ZNF462: variants seen among roughly 807,000 people sequenced by gnomAD.
ZNF462 encodes the protein zinc finger protein 462, also known as zinc finger PBX1-interacting protein.
ZNF462 carries 10 observed loss-of-function variants against 201.9 expected under a neutral mutation model. The ratio of observed to expected loss-of-function variants is 0.05; its 90% CI spans 0.03 to 0.08. ZNF462 has a LOEUF of 0.08. ZNF462 is among the 10% of genes least tolerant of loss of function. ZNF462 has a pLI of 1.00. For synonymous variants in ZNF462, 1,227 were observed against 1,193.3 expected, an observed-to-expected ratio of 1.03 and a Z score of -0.58; for missense variants, 2,523 against 3,168.3, an observed-to-expected ratio of 0.80 and a Z score of 4.89.
chr9:106,893,883 G>A (rs947362067), intron 1 of ZNF462, among the ~76,000 whole-genome samples: 6 of 152,174 alleles, frequency 3.9e-5, no homozygotes, highest in African/African-American at 1.2e-4. Flanking sequence ...GGTCAGTTGC[G>A]CTCTATGCAT....
At chr9:106,945,655 T>G (rs1831073358) in intron 7 of ZNF462, among the ~76,000 whole-genome samples, 1 of 152,194 alleles carries the variant, frequency 6.6e-6, no homozygotes, top group African/African-American at 2.4e-5. Context: ...GGTCTCAAAA[T>G]TATCTGACCA....
In ZNF462 at chr9:106,932,466, G is replaced by A; in HGVS notation, c.6033G>A (p.Arg2011=). 6.2e-7 allele frequency: 1 copy of A among 1,614,244 alleles called. No homozygotes were observed. Among genetic ancestry groups the A allele is most frequent in the Non-Finnish European group, 8.5e-7 (1 of 1,180,040 alleles). The part of the protein sequence containing the change: ...AAVKGLRSHE[R]SHLALAMFTR... Reference sequence around the variant, plus strand: ...TGCAGGGGCTGCGTTCTCATGAGAGGAGCCACCTGGCCCTGGCCATGTTTA... The same window carrying A: ...TGCAGGGGCTGCGTTCTCATGAGAGAAGCCACCTGGCCCTGGCCATGTTTA... The change falls in exon 5 of 13, where the codon AGG becomes AGA. Residue 2011 remains arginine, a synonymous_variant. Coordinates refer to ENST00000277225, the MANE Select transcript of ZNF462 (RefSeq NM_021224.6). This position sits in a 1 kb window ranked among gnomAD's most constrained non-coding sequence, Gnocchi z 6.8.
chr9:106,898,923 G>A (rs1473383628), intron 1 of ZNF462, among the ~76,000 whole-genome samples: 3 of 152,068 alleles, frequency 2.0e-5, no homozygotes, highest in African/African-American at 7.2e-5. Context: ...GTGAAAAGGA[G>A]GAATTAATGA....
At chr9:106,956,962 A>G (rs1366854387) in intron 7 of ZNF462, among the ~76,000 whole-genome samples, 1 of 152,152 alleles carries the variant, frequency 6.6e-6, no homozygotes, top group East Asian at 1.9e-4. Context: ...CTCCATAATC[A>G]GCAATAAGGA....
In ZNF462 at chr9:106,930,946, G is replaced by T; in HGVS notation, c.6012+257G>T. On this transcript the variant is annotated intron_variant, in intron 4 of 12. Coordinates refer to ENST00000277225, the MANE Select transcript of ZNF462 (RefSeq NM_021224.6). The surrounding 1 kb of genome is among the most constrained non-coding windows in gnomAD (Gnocchi z 5.8). ...GGCAGCAGAAGGTCCAGGATTCTCG[G>T]TCTAGGAGGCTTCGGGTCGTCCTTC... The T allele has an allele frequency of 2.6e-6, 1 of 391,280 alleles. No individual in the cohort carries two copies. Among genetic ancestry groups the T allele is most frequent in the Non-Finnish European group, 4.7e-6 (1 of 210,664 alleles). The allele number at this position is 391,280 out of a possible 1,614,324, so 24.2% of individuals were successfully genotyped here.
chr9:106,987,274 C>T (rs1285264288), intron 10 of ZNF462, among the ~76,000 whole-genome samples: 4 of 152,148 alleles, frequency 2.6e-5, no homozygotes, highest in African/African-American at 9.7e-5. Context: ...GTTTATATCC[C>T]ACCAGCAGTG....
intron 8 of ZNF462, among the ~76,000 whole-genome samples, chr9:106,973,301 T>A (rs987571798): frequency 6.6e-6 from 1 of 152,040 alleles, no homozygotes; most frequent in Non-Finnish European, 1.5e-5. Flanking sequence ...TTAGGCTTCA[T>A]GTCCAAAGAA....
At position 106,932,343 on chromosome 9, in the gene ZNF462, G is replaced by A. The variant is rs748023016; in HGVS notation, c.6013-103G>A. ...ACGCCAGTGGCGCCCTGGTGGGCCG[G>A]GTGGATGGTGAACACTGCTTGCTTG... On this transcript the variant is annotated intron_variant, in intron 4 of 12. Transcript: ENST00000277225. This position sits in a 1 kb window ranked among gnomAD's most constrained non-coding sequence, Gnocchi z 6.8. The A allele has an allele frequency of 1.3e-5, 21 of 1,575,046 alleles. No individual in the cohort carries two copies. The highest frequency in any genetic ancestry group is 1.8e-5 in the Non-Finnish European group (21 of 1,159,968).
At chr9:106,891,428 T>C (rs1828572960) in intron 1 of ZNF462, among the ~76,000 whole-genome samples, 1 of 152,208 alleles carries the variant, frequency 6.6e-6, no homozygotes, top group African/African-American at 2.4e-5. Flanking sequence ...TACAATAGGC[T>C]GCCTCTCCCC....
chr9:106,965,912 A>G (rs1832050105), intron 7 of ZNF462, among the ~76,000 whole-genome samples: 1 of 152,126 alleles, frequency 6.6e-6, no homozygotes, highest in Non-Finnish European at 1.5e-5. Flanking sequence ...ATGGCATCCC[A>G]AAAGTTTCCT....
intron 10 of ZNF462, among the ~76,000 whole-genome samples, chr9:107,002,336 C>G (rs1829247151): frequency 6.6e-6 from 1 of 152,166 alleles, no homozygotes; most frequent in African/African-American, 2.4e-5. Flanking sequence ...AGGCCTCCAA[C>G]AAGGGGAGCA....
intron 10 of ZNF462, among the ~76,000 whole-genome samples, chr9:106,994,976 T>C (rs1828594601): frequency 6.6e-6 from 1 of 152,162 alleles, no homozygotes; most frequent in African/African-American, 2.4e-5. Flanking sequence ...GTTAAATAAA[T>C]CAATAAATGA....
chr9:106,948,548 G>A (rs1035901741), intron 7 of ZNF462, among the ~76,000 whole-genome samples: 1 of 152,070 alleles, frequency 6.6e-6, no homozygotes, highest in African/African-American at 2.4e-5. Context: ...AAATGTAAGG[G>A]TCACCCATCA....
chr9:106,908,989 G>T (rs1446387182), intron 1 of ZNF462, among the ~76,000 whole-genome samples: 4 of 84,426 alleles, frequency 4.7e-5, no homozygotes, highest in African/African-American at 1.5e-4. Flanking sequence ...TTGAGACTGG[G>T]TCTCACTCTA....
In ZNF462 at chr9:106,927,907, A is replaced by G; in HGVS notation, c.3995A>G (p.Gln1332Arg). The G allele has an allele frequency of 6.2e-7, 1 of 1,614,224 alleles. No individual in the cohort carries two copies. Among genetic ancestry groups the G allele is most frequent in the South Asian group, 1.1e-5 (1 of 91,088 alleles). Residue 1332 changes from glutamine to arginine, a missense_variant, in exon 3 of 13, where the codon CAA (glutamine) becomes CGA (arginine). Transcript: ENST00000277225. ...CCCAACGGTTTGCTCCTGCATTACC[A>G]ACGGAGGCATCCAGAACACTATGTT... The part of the protein sequence containing the change: ...TEPNGLLLHY[Q>R]RRHPEHYVDY...
intron 1 of ZNF462, among the ~76,000 whole-genome samples, chr9:106,867,813 A>C (rs1394770840): frequency 2.6e-5 from 4 of 152,190 alleles, no homozygotes; most frequent in Non-Finnish European, 5.9e-5. Flanking sequence ...AGGTAACCTT[A>C]CTTATCTTCT....
At chr9:106,973,363 G>C (rs2132058747) in intron 8 of ZNF462, among the ~76,000 whole-genome samples, 1 of 151,908 alleles carries the variant, frequency 6.6e-6, no homozygotes, top group East Asian at 2.0e-4. Context: ...GTAGTAGCTG[G>C]GATTTGATGG....
At chr9:106,908,461 T>C (rs1829365360) in intron 1 of ZNF462, among the ~76,000 whole-genome samples, 1 of 152,098 alleles carries the variant, frequency 6.6e-6, no homozygotes, top group Admixed American at 6.6e-5. Flanking sequence ...ATGAATAACA[T>C]TAATCATGAT....
In ZNF462 at chr9:106,993,705, A is replaced by G. The variant is rs1354098919; in HGVS notation, c.7056+9296A>G. The stretch of plus-strand genomic sequence containing the variant: ...CAACACACATAGTGAATTATTTATC[A>G]GTAATGCCCTTTATTAGCAATACTG... On this transcript the variant is annotated intron_variant, in intron 10 of 12. Transcript: ENST00000277225. This position sits in a 1 kb window ranked among gnomAD's most constrained non-coding sequence, Gnocchi z 4.0. 6.7e-6 allele frequency among the ~76,000 whole-genome samples: 1 copy of G among 150,228 alleles called. No individual in the cohort carries two copies. The highest frequency in any genetic ancestry group is 2.5e-5 in the African/African-American group (1 of 40,730).
Sources: allele counts gnomAD v4.1 joint callset (sites outside exome capture counted in the v4.1 genomes callset), GRCh38; gene constraint gnomAD v4.1.1; non-coding constraint Gnocchi (gnomAD v3.1); transcripts MANE v1.5; gene names NCBI Gene and HGNC (gene_info 2026-07-23, HGNC 2026-07-21).